PPARGC1A: variants seen among roughly 807,000 people sequenced by gnomAD.
The protein encoded by PPARGC1A is peroxisome proliferator-activated receptor gamma coactivator 1-alpha.
PPARGC1A carries 25 observed loss-of-function variants against 88.7 expected under a neutral mutation model. The observed-to-expected ratio is 0.28, with a 90% CI of 0.21 to 0.39. The LOEUF (loss-of-function observed/expected upper bound fraction) is 0.39. Ranked by LOEUF, PPARGC1A falls within the 10% of genes least tolerant of loss-of-function variation. The pLI is 1.00. For missense variants in PPARGC1A, 880 were observed against 968.7 expected (o/e 0.91, Z 1.22); for synonymous variants, 363 against 355.6 (o/e 1.02, Z -0.24).
At chr4:24,135,060 A>G in the PPARGC1A span, among the ~76,000 whole-genome samples, 14,071 of 152,232 alleles carry the variant, frequency 0.092, 689 homozygotes, top group African/African-American at 0.11. Flanking sequence ...GTGTCACTCC[A>G]GAGCAATCCA....
At chr4:23,976,328 T>A in the PPARGC1A span, among the ~76,000 whole-genome samples, 3 of 152,114 alleles carry the variant, frequency 2.0e-5, no homozygotes, top group African/African-American at 7.2e-5. Context: ...GGGAAAGACA[T>A]GCACTGAGAA....
At chr4:24,467,157 G>A in the PPARGC1A span, among the ~76,000 whole-genome samples, 1 of 151,942 alleles carries the variant, frequency 6.6e-6, no homozygotes, top group Non-Finnish European at 1.5e-5. Flanking sequence ...AGCGAACAAT[G>A]TTTTCCAGCT....
chr4:24,294,479 T>C, the PPARGC1A span, among the ~76,000 whole-genome samples: 10 of 152,150 alleles, frequency 6.6e-5, no homozygotes, highest in African/African-American at 2.4e-4. Flanking sequence ...TTATCCTTTT[T>C]CTGAAATAAA....
intron 1 of PPARGC1A, among the ~76,000 whole-genome samples, chr4:23,899,048 G>A (rs896735327): frequency 7.1e-6 from 1 of 140,314 alleles, no homozygotes; most frequent in Non-Finnish European, 1.5e-5. Context: ...CACCATGTTG[G>A]TCAGGCTGGT....
chr4:24,151,720 GAGTT>G, the PPARGC1A span, among the ~76,000 whole-genome samples: 39 of 152,226 alleles, frequency 2.6e-4, no homozygotes, highest in African/African-American at 9.4e-4. Context: ...AAGGCACAGA[GAGTT>G]AGTAACACAG....
At chr4:24,078,001 T>C in the PPARGC1A span, among the ~76,000 whole-genome samples, 1 of 152,134 alleles carries the variant, frequency 6.6e-6, no homozygotes. Context: ...TTCCTTTCCA[T>C]AGTTCCTGTT....
At chr4:23,895,856 C>A (rs147747102) in intron 1 of PPARGC1A, among the ~76,000 whole-genome samples, 3 of 150,958 alleles carry the variant, frequency 2.0e-5, no homozygotes, top group East Asian at 3.9e-4. Context: ...ATGCCCAATG[C>A]GACATTATTT....
the PPARGC1A span, among the ~76,000 whole-genome samples, chr4:24,377,685 C>T: frequency 3.3e-5 from 5 of 152,132 alleles, no homozygotes; most frequent in East Asian, 7.8e-4. Flanking sequence ...AATGTAGCGT[C>T]GATTTCAGGA....
chr4:24,314,872 C>T, the PPARGC1A span, among the ~76,000 whole-genome samples: 2 of 152,256 alleles, frequency 1.3e-5, no homozygotes, highest in South Asian at 2.1e-4. Context: ...CTTCTGCTCA[C>T]TTAGACAGAT....
At chr4:24,074,799 T>C in the PPARGC1A span, among the ~76,000 whole-genome samples, 2 of 152,186 alleles carry the variant, frequency 1.3e-5, no homozygotes, top group African/African-American at 2.4e-5. Flanking sequence ...AAGTGTTCCC[T>C]ACACCCTAAC....
chr4:23,851,446 T>C lies in PPARGC1A; in HGVS notation c.235-19695A>G, dbSNP rs536870093. 1.4e-4 allele frequency among the ~76,000 whole-genome samples: 21 copies of C among 152,296 alleles called. No homozygotes were observed. In the South Asian group the frequency reaches 4.4e-3, roughly 32 times the overall value. On this transcript the variant is annotated intron_variant, in intron 2 of 12. Coordinates refer to ENST00000264867, the MANE Select transcript of PPARGC1A (RefSeq NM_013261.5). ...ATTGAAACCACAGAATCTTAGGAAA[T>C]GCAGTCGATTTCATAGAGTATCAAA...
the PPARGC1A span, among the ~76,000 whole-genome samples, chr4:24,467,879 T>G: frequency 6.6e-6 from 1 of 152,002 alleles, no homozygotes; most frequent in Non-Finnish European, 1.5e-5. Context: ...ATTTGGGAAG[T>G]GGTGGGGGCA....
chr4:24,290,147 G>A, the PPARGC1A span, among the ~76,000 whole-genome samples: 17 of 152,090 alleles, frequency 1.1e-4, no homozygotes, highest in African/African-American at 3.1e-4. Context: ...TGGGAATTAC[G>A]GGAGCTACAA....
the PPARGC1A span, among the ~76,000 whole-genome samples, chr4:24,196,314 A>G: frequency 2.0e-5 from 3 of 152,250 alleles, no homozygotes; most frequent in Non-Finnish European, 4.4e-5. Context: ...AAAACAGGAG[A>G]AAGAAATGCA....
At chr4:24,437,207 A>G in the PPARGC1A span, among the ~76,000 whole-genome samples, 3 of 152,218 alleles carry the variant, frequency 2.0e-5, no homozygotes, top group African/African-American at 7.2e-5. Flanking sequence ...TTCATGGCAC[A>G]GCCTCAGGGA....
chr4:23,993,219 T>G, the PPARGC1A span, among the ~76,000 whole-genome samples: 2 of 152,208 alleles, frequency 1.3e-5, no homozygotes, highest in African/African-American at 4.8e-5. Context: ...AATTATTGAG[T>G]ATCTCTCTGT....
chr4:24,027,229 G>GTGTGTGTGTGTGTGTGTGTGTGTGTC, the PPARGC1A span, among the ~76,000 whole-genome samples: 1 of 143,270 alleles, frequency 7.0e-6, no homozygotes, highest in African/African-American at 2.6e-5. Context: ...CTGTGTGTCT[G>GTGTGTGTGTGTGTGTGTGTGTGTGTC]TGTGTGTCTG....
At chr4:24,262,886 C>T in the PPARGC1A span, among the ~76,000 whole-genome samples, 1,043 of 152,178 alleles carry the variant, frequency 6.9e-3, 6 homozygotes, top group Admixed American at 0.011. Flanking sequence ...TGTACAACTT[C>T]CTGTACATCA....
the PPARGC1A span, among the ~76,000 whole-genome samples, chr4:24,334,231 C>T: frequency 3.4e-4 from 52 of 152,274 alleles, no homozygotes; most frequent in East Asian, 1.4e-3. Flanking sequence ...CCAAGTACCT[C>T]GCCTTTTCAT....
Sources: allele counts gnomAD v4.1 joint callset (sites outside exome capture counted in the v4.1 genomes callset), GRCh38; gene constraint gnomAD v4.1.1; transcripts MANE v1.5; gene names NCBI Gene and HGNC (gene_info 2026-07-23, HGNC 2026-07-21).